Variants in ESRRG observed in about 807,000 individuals in gnomAD.
ESRRG encodes the protein estrogen-related receptor gamma.
Under a neutral mutation model 44.0 loss-of-function variants are expected in ESRRG, and 13 were observed. That is an observed-to-expected ratio of 0.30 (90% confidence interval 0.19 to 0.47). The LOEUF is 0.47. ESRRG is among the 20% of genes least tolerant of loss of function. The pLI, the probability that ESRRG is intolerant of heterozygous loss-of-function variation, is 1.00. For synonymous variants in ESRRG, 215 were observed against 214.6 expected, an observed-to-expected ratio of 1.00 and a Z score of -0.02; for missense variants, 395 against 580.6, an observed-to-expected ratio of 0.68 and a Z score of 3.29.
chr1:217,130,756 T>C (rs2092953553), intron 1 of ESRRG, among the ~76,000 whole-genome samples: 2 of 152,184 alleles, frequency 1.3e-5, no homozygotes, highest in African/African-American at 4.8e-5. Flanking sequence ...TTTTAACTTA[T>C]ATGGGATCAA....
At position 217,111,978 on chromosome 1, in the gene ESRRG, A is replaced by G. The variant is rs113094400; in HGVS notation, c.-230+25689T>C. Among the ~76,000 whole-genome samples the G allele has an allele frequency of 3.0e-3, 453 of 152,268 alleles. 2 individuals carry two copies. Among genetic ancestry groups the G allele is most frequent in the African/African-American group, 0.01 (435 of 41,558 alleles). On this transcript the variant is annotated intron_variant, in intron 1 of 8. Coordinates refer to the ESRRG transcript ENST00000366940. ...GGACATTCCCTCTTATAATGCAGCC[A>G]ATGCCACAGAGAGAAGCCATATGGA...
At chr1:216,788,624 C>A (rs1003044157) in intron 2 of ESRRG, among the ~76,000 whole-genome samples, 2 of 152,062 alleles carry the variant, frequency 1.3e-5, no homozygotes, top group Non-Finnish European at 2.9e-5. Context: ...GCCTATGGAT[C>A]AAGGAGTAAT....
intron 1 of ESRRG, among the ~76,000 whole-genome samples, chr1:217,111,513 A>G (rs2092661254): frequency 6.6e-6 from 1 of 152,368 alleles, no homozygotes. Flanking sequence ...ATTCAAAACT[A>G]TGGGAACAAT....
At chr1:217,051,930 A>T (rs540003499) in intron 1 of ESRRG, among the ~76,000 whole-genome samples, 5 of 151,104 alleles carry the variant, frequency 3.3e-5, no homozygotes, top group African/African-American at 1.2e-4. Flanking sequence ...CACCCAGATA[A>T]TTATTTATTT....
At chr1:216,881,966 T>C (rs993184367) in intron 2 of ESRRG, among the ~76,000 whole-genome samples, 1 of 124,682 alleles carries the variant, frequency 8.0e-6, no homozygotes, top group African/African-American at 3.4e-5. Flanking sequence ...TGCTATGCAC[T>C]GGGTTTTTTT....
At chr1:217,100,720 G>A (rs1445663812) in intron 1 of ESRRG, among the ~76,000 whole-genome samples, 12 of 152,130 alleles carry the variant, frequency 7.9e-5, no homozygotes, top group Admixed American at 3.9e-4. Flanking sequence ...ATCACATGGC[G>A]AGAGTGGGAG....
At chr1:216,940,802 A>G (rs748041277) in intron 1 of ESRRG, among the ~76,000 whole-genome samples, 1 of 152,204 alleles carries the variant, frequency 6.6e-6, no homozygotes, top group Non-Finnish European at 1.5e-5. Context: ...TGCTTGACAA[A>G]TAAACTAGAT....
At chr1:217,133,635 C>CTTTCTTTCTTTCTTTCTTTCTT (rs1558298142) in intron 1 of ESRRG, among the ~76,000 whole-genome samples, 1 of 87,030 alleles carries the variant, frequency 1.1e-5, no homozygotes, top group African/African-American at 5.9e-5. Context: ...CTTTCTTTCT[C>CTTTCTTTCTTTCTTTCTTTCTT]TCTCTCTCTC....
chr1:216,747,367 T>C (rs749934808), intron 2 of ESRRG, among the ~76,000 whole-genome samples: 1 of 152,202 alleles, frequency 6.6e-6, no homozygotes, highest in Non-Finnish European at 1.5e-5. Flanking sequence ...AGTGTTCATA[T>C]ACCTCTTTGT....
At chr1:217,036,058 A>G (rs2082835284) in intron 1 of ESRRG, among the ~76,000 whole-genome samples, 1 of 152,246 alleles carries the variant, frequency 6.6e-6, no homozygotes, top group South Asian at 2.1e-4. Context: ...TCATAGGAAG[A>G]AAAGCTCAAC....
intron 1 of ESRRG, among the ~76,000 whole-genome samples, chr1:217,097,078 C>G (rs986176379): frequency 6.6e-6 from 1 of 151,950 alleles, no homozygotes; most frequent in African/African-American, 2.4e-5. Flanking sequence ...AGCTGGGTGT[C>G]GTGATGTGCA....
At chr1:216,566,208 G>A (rs1203397185) in intron 4 of ESRRG, among the ~76,000 whole-genome samples, 1 of 152,108 alleles carries the variant, frequency 6.6e-6, no homozygotes, top group East Asian at 1.9e-4. Flanking sequence ...CAATCAGTCA[G>A]GGTCCAGAAA....
Position 216,511,547 on chromosome 1 carries a change from T to TCACACACACACACACACACA in ESRRG, c.1133-4365_1133-4364insTGTGTGTGTGTGTGTGTGTG, listed in dbSNP as rs79870471. On this transcript the variant is annotated intron_variant, in intron 6 of 6. Coordinates refer to ENST00000408911, the MANE Select transcript of ESRRG (RefSeq NM_001438.4). ...GGGTATTCCCAAAATATACATAAATTCACACACACACACACACAGACAAAT... is the reference window on the plus strand; with the variant it reads ...GGGTATTCCCAAAATATACATAAATTCACACACACACACACACACACACACACACACACACACAGACAAAT... 3.8e-3 allele frequency among the ~76,000 whole-genome samples: 552 copies of TCACACACACACACACACACA among 144,918 alleles called. 6 individuals carry two copies. The highest frequency in any genetic ancestry group is 0.014 in the Middle Eastern group (4 of 288).
chr1:216,825,490 T>G (rs892565199), intron 2 of ESRRG, among the ~76,000 whole-genome samples: 5 of 152,210 alleles, frequency 3.3e-5, no homozygotes, highest in South Asian at 4.1e-4. Flanking sequence ...CCTTTGAATT[T>G]TTTTTTAGCA....
intron 2 of ESRRG, among the ~76,000 whole-genome samples, chr1:216,672,730 T>A (rs797020877): frequency 1.3e-5 from 2 of 151,756 alleles, no homozygotes; most frequent in Admixed American, 6.6e-5. Flanking sequence ...TAGGTAGGCA[T>A]GGTAGTGCAT....
chr1:216,723,918 C>A (rs1008468163), upstream of ESRRG, among the ~76,000 whole-genome samples: 2 of 152,078 alleles, frequency 1.3e-5, no homozygotes, highest in Non-Finnish European at 2.9e-5. Context: ...GTTTGTCCTG[C>A]CGTTGTCTGT....
intron 1 of ESRRG, among the ~76,000 whole-genome samples, chr1:217,087,048 G>A (rs1273621314): frequency 6.6e-6 from 1 of 152,058 alleles, no homozygotes; most frequent in Non-Finnish European, 1.5e-5. Flanking sequence ...AATGTCATAG[G>A]GCATCAGAAA....
At chr1:216,837,426 CT>C (rs199981357) in intron 2 of ESRRG, among the ~76,000 whole-genome samples, 5,002 of 137,946 alleles carry the variant, frequency 0.036, 288 homozygotes, top group African/African-American at 0.13. Flanking sequence ...AAAAATACAA[CT>C]TTTTCCATAG....
rs759911532 is a variant in ESRRG, at chr1:217,015,731, A to AATTTTTTTTT, written c.-106+73775_-106+73776insAAAAAAAAAT. Among the ~76,000 whole-genome samples the AATTTTTTTTT allele has an allele frequency of 1.0e-3, 143 of 142,096 alleles. 4 individuals are homozygous for AATTTTTTTTT. The highest frequency in any genetic ancestry group is 1.3e-3 in the Admixed American group (19 of 14,150). 93.2% of individuals were successfully genotyped at this position (142,096 alleles called of 152,430 possible). On this transcript the variant is annotated intron_variant, in intron 1 of 7. Transcript: ENST00000359162. ...GTGGGGGGTGAGAGGGGGCAGCTAG[A>AATTTTTTTTT]TTTTTTTTTTTTTTTGAGACAGAGT...
Sources: gnomAD v4.1 joint callset for allele counts (sites outside exome capture counted in the v4.1 genomes callset) on GRCh38, gnomAD v4.1.1 for gene constraint, MANE v1.5 for transcripts, NCBI Gene and HGNC (gene_info 2026-07-23, HGNC 2026-07-21) for gene names.